Variants in DIDO1 observed in about 807,000 individuals in gnomAD.
DIDO1 encodes death-inducer obliterator 1.
Under a neutral mutation model 99.4 loss-of-function variants are expected in DIDO1, and 16 were observed. The ratio of observed to expected loss-of-function variants is 0.16; its 90% CI spans 0.11 to 0.24. The LOEUF is 0.24. Among genes scored for constraint, DIDO1 ranks in the 10% least tolerant of loss-of-function variants. The probability of loss-of-function intolerance (pLI) is 1.00; values close to 1 mark genes in which losing one functional copy is unlikely to be tolerated. For synonymous variants in DIDO1, 1,366 were observed against 1,239.1 expected (o/e 1.10, Z -2.15); for missense variants, 2,996 against 3,014.0 (o/e 0.99, Z 0.14).
At chr20:62,925,688 C>A (rs2065238459) in intron 1 of DIDO1, among the ~76,000 whole-genome samples, 1 of 152,232 alleles carries the variant, frequency 6.6e-6, no homozygotes. Flanking sequence ...CGAGAAGGAG[C>A]CCCGGACGCC....
chr20:62,880,487 G>A lies in DIDO1; in HGVS notation c.5469C>T (p.Ser1823=), dbSNP rs1229626913. The A allele has an allele frequency of 6.2e-6, 10 of 1,612,876 alleles. No individual in the cohort carries two copies. The highest frequency in any genetic ancestry group is 7.6e-6 in the Non-Finnish European group (9 of 1,180,016). Residue 1823 remains serine, a synonymous_variant, in exon 16 of 16, where the codon AGC becomes AGT. Transcript: ENST00000395343. ...GQHGPPPYGD[S]RGPSPSYLGG... ...CAAGGTAAGAGGGTGAGGGGCCTCTGCTGTCCCCATAAGGAGGTGGCCCAT... is the reference window on the plus strand; with the variant it reads ...CAAGGTAAGAGGGTGAGGGGCCTCTACTGTCCCCATAAGGAGGTGGCCCAT...
At chr20:62,920,196 T>A (rs767705111) in intron 1 of DIDO1, among the ~76,000 whole-genome samples, 1 of 152,266 alleles carries the variant, frequency 6.6e-6, no homozygotes. Context: ...CCGGGTACCA[T>A]GTGAGTGGGG....
Position 62,906,086 on chromosome 20 carries a change from G to A in DIDO1, c.1389C>T (p.Ile463=), listed in dbSNP as rs772391337. ...GAGCTGGTCTCTTGTGCACAGAAGA[G>A]ATTTTAATACCTGCCTGGATAATCA... ...PKCGAQAGIK[I]SSVHKRPAPE... Residue 463 remains isoleucine (I), a synonymous_variant, in exon 6 of 16, where the codon ATC becomes ATT. Transcript: ENST00000395343. 1.1e-5 allele frequency: 18 copies of A among 1,610,016 alleles called. No individual in the cohort carries two copies. Among genetic ancestry groups the A allele is most frequent in the Non-Finnish European group, 1.7e-6 (2 of 1,178,130 alleles).
In DIDO1 at chr20:62,879,572, G is replaced by C. The variant is rs1600893833; in HGVS notation, c.6384C>G (p.Asp2128Glu). 6.2e-7 allele frequency: 1 copy of C among 1,602,090 alleles called. No individual in the cohort carries two copies. Among genetic ancestry groups the C allele is most frequent in the Non-Finnish European group, 8.5e-7 (1 of 1,179,508 alleles). The change falls in exon 16 of 16, where the codon GAC becomes GAG. Residue 2128 changes from aspartate (D) to glutamate (E), a missense_variant. This residue lies in a region of DIDO1 where 1,562 missense variants were observed against 1,412.6 expected (regional missense o/e 1.11). Transcript: ENST00000395343. This position sits in a 1 kb window ranked among gnomAD's most constrained non-coding sequence, Gnocchi z 6.3. ...ERGRNWSRER[D>E]WDRPREWDRH... Reference sequence around the variant, plus strand: ...GGTCCCACTCCCGGGGCCGGTCCCAGTCCCGCTCTCGGCTCCAGTTTCGGC... The same window carrying C: ...GGTCCCACTCCCGGGGCCGGTCCCACTCCCGCTCTCGGCTCCAGTTTCGGC...
rs140253573 is a variant in DIDO1 at position 62,880,685 on chromosome 20, T to A, written c.5271A>T (p.Gly1757=). 6.2e-7 allele frequency: 1 copy of A among 1,612,726 alleles called. No individual in the cohort carries two copies. Among genetic ancestry groups the A allele is most frequent in the South Asian group, 1.1e-5 (1 of 91,084 alleles). The change falls in exon 16 of 16, where the codon GGA becomes GGT. Residue 1757 remains glycine, a synonymous_variant. Coordinates refer to ENST00000395343, the MANE Select transcript of DIDO1 (RefSeq NM_001193369.2). The part of the protein sequence containing the change: ...QPPFQGQREP[G]PHALGMSGLH... ...GCCCTGACATCCCCAAAGCATGAGG[T>A]CCAGGTTCCCGCTGACCCTGAAACG...
chr20:62,893,609 C>T, intron 12 of DIDO1, 57 bp downstream of exon 12: 1 of 1,497,058 alleles, frequency 6.7e-7, no homozygotes, highest in Non-Finnish European at 9.0e-7. Flanking sequence ...GTTATCTTTC[C>T]TTTCGTTAAT....
chr20:62,904,780 CAAAAAAAAA>C lies in DIDO1; in HGVS notation c.1588+1098_1588+1106del, dbSNP rs58039393. 3.7e-3 allele frequency among the ~76,000 whole-genome samples: 232 copies of C among 62,622 alleles called. 3 individuals are homozygous for C. The highest frequency in any genetic ancestry group is 0.035 in the East Asian group (81 of 2,346). 41.1% of individuals were successfully genotyped at this position (62,622 alleles called of 152,430 possible). On this transcript the variant is annotated intron_variant, in intron 6 of 15. Transcript: ENST00000395343. ...GGGTGACAGAGCAAGACTCTTGTCT[CAAAAAAAAA>C]AAAAAAAAAAAAAAAAAAGTGTCTT...
chr20:62,910,883 G>C lies in DIDO1; in HGVS notation c.730C>G (p.Gln244Glu). 1.2e-6 allele frequency: 2 copies of C among 1,614,110 alleles called. No homozygotes were observed. The highest frequency in any genetic ancestry group is 1.7e-6 in the Non-Finnish European group (2 of 1,180,024). ...CCAGGCTCCTCATCTTTGATGTCCT[G>C]AGCCGCCTTTCCCTCCAACTTACTC... ...RESKLEGKAA[Q>E]DIKDEEPGDL... Residue 244 changes from glutamine to glutamate, a missense_variant, in exon 3 of 16, where the codon CAG becomes GAG. Around this residue, in one of 5 missense-constraint regions of DIDO1, gnomAD observed 388 missense variants for 376.6 expected, o/e 1.03. Coordinates refer to ENST00000395343, the MANE Select transcript of DIDO1 (RefSeq NM_001193369.2).
At chr20:62,910,282 G>A (rs923403287) in intron 3 of DIDO1, among the ~76,000 whole-genome samples, 5 of 152,244 alleles carry the variant, frequency 3.3e-5, no homozygotes, top group South Asian at 2.1e-4. Context: ...CCAAAACTGC[G>A]ACAATGCCTT....
chr20:62,906,129 T>TA, intron 5 of DIDO1, 29 bp from the exon 6 acceptor site: 1 of 1,589,012 alleles, frequency 6.3e-7, no homozygotes, highest in South Asian at 1.1e-5. Context: ...CCCAAATCAT[T>TA]AAAAAGGTAA....
In DIDO1 at chr20:62,906,249, C is replaced by G. The variant is rs1410283410; in HGVS notation, c.1375-149G>C. The G allele has an allele frequency of 3.7e-6, 4 of 1,091,506 alleles. No individual in the cohort carries two copies. In the East Asian group the frequency reaches 1.0e-4, roughly 27 times the overall value. The allele number at this position is 1,091,506 out of a possible 1,614,324, so 67.6% of individuals were successfully genotyped here. On this transcript the variant is annotated intron_variant, in intron 5 of 15. Coordinates refer to ENST00000395343, the MANE Select transcript of DIDO1 (RefSeq NM_001193369.2). The stretch of plus-strand genomic sequence containing the variant: ...ATCCTGCGCCTGCTTGGCAGCAGTT[C>G]AACACACTTGCGTATTCGGTGGGCC...
rs1255800294 is a variant in DIDO1 at position 62,879,073 on chromosome 20, G to T, written c.*160C>A. On this transcript the variant is annotated 3_prime_UTR_variant, in exon 16 of 16. Coordinates refer to ENST00000395343, the MANE Select transcript of DIDO1 (RefSeq NM_001193369.2). This position sits in a 1 kb window ranked among gnomAD's most constrained non-coding sequence, Gnocchi z 6.3. Reference sequence around the variant, plus strand: ...TTTAAAAAAGCATCAGAATTGTAAAGATGTGAAATCTTGTAAGAAACCATT... The same window carrying T: ...TTTAAAAAAGCATCAGAATTGTAAATATGTGAAATCTTGTAAGAAACCATT... 5.1e-6 allele frequency: 3 copies of T among 582,996 alleles called. No individual in the cohort carries two copies. Among genetic ancestry groups the T allele is most frequent in the Non-Finnish European group, 5.3e-6 (2 of 375,514 alleles). 36.1% of individuals were successfully genotyped at this position (582,996 alleles called of 1,614,324 possible). A position where few individuals can be genotyped will look rare whatever the true frequency, so the allele number is the denominator to read the frequency against.
chr20:62,878,897 A>AG lies in DIDO1; in HGVS notation c.*335dup. On this transcript the variant is annotated 3_prime_UTR_variant, in exon 16 of 16. Transcript: ENST00000395343. Reference sequence around the variant, plus strand: ...TGGAAACACAAACGGATGAGATGTCAGTGAAGGTATGGCTCTAGGGTCCAA... The same window carrying AG: ...TGGAAACACAAACGGATGAGATGTCAGGTGAAGGTATGGCTCTAGGGTCCAA... 5.1e-6 allele frequency: 1 copy of AG among 197,658 alleles called. No homozygotes were observed. Among genetic ancestry groups the AG allele is most frequent in the Non-Finnish European group, 1.0e-5 (1 of 98,934 alleles). The allele number at this position is 197,658 out of a possible 1,614,324, so 12.2% of individuals were successfully genotyped here.
intron 1 of DIDO1, among the ~76,000 whole-genome samples, chr20:62,932,853 T>C (rs1394999491): frequency 6.6e-6 from 1 of 152,230 alleles, no homozygotes; most frequent in African/African-American, 2.4e-5. Context: ...GAAGGTCACC[T>C]ATATCAAACA....
chr20:62,899,360 G>A (rs773374591), intron 6 of DIDO1, among the ~76,000 whole-genome samples: 1 of 152,206 alleles, frequency 6.6e-6, no homozygotes, highest in East Asian at 1.9e-4. Flanking sequence ...TATCTTTAAT[G>A]ATGTTTAACG....
rs117700290 is a variant in DIDO1, at chr20:62,924,033, C to T, written c.-200+2406G>A. Among the ~76,000 whole-genome samples the T allele has an allele frequency of 5.0e-3, 762 of 152,348 alleles. 2 individuals are homozygous for T. Among genetic ancestry groups the T allele is most frequent in the Non-Finnish European group, 7.2e-3 (489 of 68,036 alleles). On this transcript the variant is annotated intron_variant, in intron 1 of 15. Transcript: ENST00000395343. ...ACAACACAGACTGTCTCACAGATGA[C>T]TGTGTACACGTACATGAAATGAGCA...
Position 62,910,823 on chromosome 20 carries a change from A to C in DIDO1, c.790T>G (p.Tyr264Asp). 6.2e-7 allele frequency: 1 copy of C among 1,614,190 alleles called. No homozygotes were observed. The highest frequency in any genetic ancestry group is 8.5e-7 in the Non-Finnish European group (1 of 1,180,020). ...ATGCAATACAGGGCGTTGGGGTCGT[A>C]ACCCTCACATTCAGGCTTCGGTCGG... ...LGRPKPECEG[Y>D]DPNALYCICR... Residue 264 changes from tyrosine to aspartate, a missense_variant, in exon 3 of 16, where the codon TAC becomes GAC. Physicochemically the swap from Tyr to Asp is radical, Grantham distance 160 (BLOSUM62 -3). Coordinates refer to ENST00000395343, the MANE Select transcript of DIDO1 (RefSeq NM_001193369.2).
upstream of DIDO1, among the ~76,000 whole-genome samples, chr20:62,927,861 G>C (rs1601047675): frequency 6.6e-6 from 1 of 152,244 alleles, no homozygotes; most frequent in Non-Finnish European, 1.5e-5. Flanking sequence ...GCAGGGATGG[G>C]CTTGACAGTC....
At chr20:62,890,226 G>A in intron 15 of DIDO1, 1 of 985,920 alleles carries the variant, frequency 1.0e-6, no homozygotes, top group Non-Finnish European at 1.2e-6. Flanking sequence ...GGGACTGCAT[G>A]GCCACGGAGA....
Sources: allele counts gnomAD v4.1 joint callset (sites outside exome capture counted in the v4.1 genomes callset), GRCh38; gene constraint gnomAD v4.1.1; regional missense constraint gnomAD v4.1.1; non-coding constraint Gnocchi (gnomAD v3.1); transcripts MANE v1.5; gene names NCBI Gene and HGNC (gene_info 2026-07-23, HGNC 2026-07-21).